Variants in KCNN2 observed in about 807,000 individuals in gnomAD.
KCNN2 encodes the protein potassium calcium-activated channel subfamily N member 2.
Under a neutral mutation model 55.5 loss-of-function variants are expected in KCNN2, and 24 were observed. The observed-to-expected ratio is 0.43, with a 90% CI of 0.31 to 0.61. KCNN2 has a LOEUF of 0.61. KCNN2 is among the 20% of genes least tolerant of loss of function. The probability of loss-of-function intolerance (pLI) is 0.08; values close to 1 mark genes in which losing one functional copy is unlikely to be tolerated. For missense variants in KCNN2, 754 were observed against 853.6 expected (o/e 0.88, Z 1.45); for synonymous variants, 431 against 336.1 (o/e 1.28, Z -3.09).
intron 2 of KCNN2, among the ~76,000 whole-genome samples, chr5:114,297,091 A>C (rs886208407): frequency 6.6e-6 from 1 of 152,164 alleles, no homozygotes; most frequent in Non-Finnish European, 1.5e-5. Context: ...CTGTAATTCA[A>C]TATAATGTAT....
intron 2 of KCNN2, among the ~76,000 whole-genome samples, chr5:114,402,495 A>G (rs1198570828): frequency 1.3e-5 from 2 of 152,348 alleles, no homozygotes; most frequent in Non-Finnish European, 2.9e-5. Context: ...GAACTAGACT[A>G]TAGGCTATTG....
At chr5:114,098,865 G>A (rs565255408) in intron 1 of KCNN2, among the ~76,000 whole-genome samples, 10 of 152,248 alleles carry the variant, frequency 6.6e-5, no homozygotes, top group South Asian at 6.2e-4. Flanking sequence ...TTCCACAGGG[G>A]TGAATCTAGG....
At chr5:114,302,255 T>C (rs1756181177) in intron 2 of KCNN2, among the ~76,000 whole-genome samples, 1 of 152,222 alleles carries the variant, frequency 6.6e-6, no homozygotes, top group Non-Finnish European at 1.5e-5. Context: ...TGTTTCCACC[T>C]ACAAGATAAA....
At chr5:114,145,241 C>T (rs1226242092) in intron 1 of KCNN2, among the ~76,000 whole-genome samples, 1 of 152,170 alleles carries the variant, frequency 6.6e-6, no homozygotes, top group Admixed American at 6.5e-5. Flanking sequence ...ATCTGTGACC[C>T]TGAGAGCAAT....
intron 2 of KCNN2, among the ~76,000 whole-genome samples, chr5:114,288,650 T>G (rs1353110235): frequency 6.6e-6 from 1 of 152,194 alleles, no homozygotes; most frequent in African/African-American, 2.4e-5. Context: ...ATGTGCTTGT[T>G]GTCAATCGTA....
At chr5:114,484,938 A>G (rs748486759) in intron 5 of KCNN2, among the ~76,000 whole-genome samples, 1 of 152,188 alleles carries the variant, frequency 6.6e-6, no homozygotes, top group Non-Finnish European at 1.5e-5. Context: ...CCTGTAACAT[A>G]AGGCCTCGAG....
chr5:114,318,951 A>G (rs568889989), intron 2 of KCNN2, among the ~76,000 whole-genome samples: 2 of 151,930 alleles, frequency 1.3e-5, no homozygotes, highest in South Asian at 4.2e-4. Flanking sequence ...ACTGTGGGTA[A>G]ACTGAGGCTC....
chr5:114,127,874 G>A (rs978615193), intron 1 of KCNN2, among the ~76,000 whole-genome samples: 1 of 152,142 alleles, frequency 6.6e-6, no homozygotes, highest in African/African-American at 2.4e-5. Context: ...GGGCAAAAAT[G>A]CCTCCAATCT....
intron 2 of KCNN2, among the ~76,000 whole-genome samples, chr5:114,291,945 T>G (rs1389819240): frequency 6.6e-6 from 1 of 152,232 alleles, no homozygotes; most frequent in Non-Finnish European, 1.5e-5. Context: ...TGGCCAGTGA[T>G]GATGAGCATT....
Position 114,480,588 on chromosome 5 carries a change from C to T in KCNN2, c.1891-6462C>T, listed in dbSNP as rs201926622. 5.9e-5 allele frequency among the ~76,000 whole-genome samples: 9 copies of T among 152,270 alleles called. No individual in the cohort carries two copies. In the East Asian group the frequency reaches 1.5e-3, roughly 26 times the overall value. On this transcript the variant is annotated intron_variant, in intron 5 of 7. Transcript: ENST00000673685. ...AACTTCTAGTCAATATCTCAATATC[C>T]TTGGTGAACATTGATGAAAAAATCC...
chr5:114,104,766 A>C (rs1341350390), intron 1 of KCNN2, among the ~76,000 whole-genome samples: 2 of 152,010 alleles, frequency 1.3e-5, no homozygotes, highest in Non-Finnish European at 2.9e-5. Context: ...ACTTCCTGAG[A>C]AAATAAGTTA....
chr5:114,162,850 A>G (rs1340836407), intron 1 of KCNN2, among the ~76,000 whole-genome samples: 1 of 152,106 alleles, frequency 6.6e-6, no homozygotes, highest in Non-Finnish European at 1.5e-5. Flanking sequence ...GTCGGTTGGA[A>G]AAGCGCAGTA....
intron 1 of KCNN2, among the ~76,000 whole-genome samples, chr5:114,191,912 G>A (rs979024665): frequency 1.1e-4 from 16 of 152,124 alleles, no homozygotes; most frequent in African/African-American, 3.9e-4. Context: ...AACCAAATTG[G>A]TTTATTAATG....
rs555506623 is a variant in KCNN2 at position 114,432,967 on chromosome 5, C to G, written c.1637+28111C>G. 2.3e-3 allele frequency among the ~76,000 whole-genome samples: 343 copies of G among 152,314 alleles called. 1 individual carries two copies. Among genetic ancestry groups the G allele is most frequent in the African/African-American group, 7.8e-3 (324 of 41,580 alleles). On this transcript the variant is annotated intron_variant, in intron 3 of 7. Transcript: ENST00000673685. ...CCCGCCATGCCTGAACCTCCCACCCCCTCCATGGGCTCCTGTGCGGCCGGA... is the reference window on the plus strand; with the variant it reads ...CCCGCCATGCCTGAACCTCCCACCCGCTCCATGGGCTCCTGTGCGGCCGGA...
At chr5:114,082,709 T>A (rs1750851874) in intron 1 of KCNN2, among the ~76,000 whole-genome samples, 1 of 152,116 alleles carries the variant, frequency 6.6e-6, no homozygotes, top group Non-Finnish European at 1.5e-5. Context: ...ACAAAATGTG[T>A]TATGTGCACA....
intron 2 of KCNN2, among the ~76,000 whole-genome samples, chr5:114,273,710 G>A (rs915874081): frequency 6.6e-6 from 1 of 152,038 alleles, no homozygotes. Flanking sequence ...TTTTTTTCTT[G>A]TAAATTTGTT....
At chr5:114,147,610 A>G (rs1752425273) in intron 1 of KCNN2, among the ~76,000 whole-genome samples, 1 of 152,204 alleles carries the variant, frequency 6.6e-6, no homozygotes, top group African/African-American at 2.4e-5. Context: ...TCATTGTTCT[A>G]CAAAAGACAA....
chr5:114,198,463 TACACACACAC>T (rs56335930), intron 1 of KCNN2, among the ~76,000 whole-genome samples: 1 of 147,820 alleles, frequency 6.8e-6, no homozygotes, highest in African/African-American at 2.5e-5. Context: ...TATATACATA[TACACACACAC>T]ACACACACAC....
intron 3 of KCNN2, among the ~76,000 whole-genome samples, chr5:114,432,566 G>T (rs1759831865): frequency 2.0e-5 from 3 of 152,170 alleles, no homozygotes; most frequent in Admixed American, 2.0e-4. Flanking sequence ...CTCTGCCTGG[G>T]CTCCCACTTT....
Sources: gnomAD v4.1 joint callset for allele counts (sites outside exome capture counted in the v4.1 genomes callset) on GRCh38, gnomAD v4.1.1 for gene constraint, MANE v1.5 for transcripts, NCBI Gene and HGNC (gene_info 2026-07-23, HGNC 2026-07-21) for gene names.